The following ROBO1 variants were observed in gnomAD, a reference collection of about 807,000 sequenced individuals.
The protein encoded by ROBO1 is roundabout guidance receptor 1.
Under a neutral mutation model 195.9 loss-of-function variants are expected in ROBO1, and 149 were observed. That is an observed-to-expected ratio of 0.76 (90% CI 0.67 to 0.87). The LOEUF (loss-of-function observed/expected upper bound fraction) is 0.87. ROBO1 is among the 40% of genes least tolerant of loss of function. The pLI is 0.00. For synonymous variants in ROBO1, 816 were observed against 733.2 expected, an observed-to-expected ratio of 1.11 and a Z score of -1.82; for missense variants, 1,933 against 2,068.3, an observed-to-expected ratio of 0.93 and a Z score of 1.27.
rs188185046 is a variant in ROBO1, at chr3:79,105,761, A to G, written c.172+19695T>C. Among the ~76,000 whole-genome samples the G allele has an allele frequency of 9.6e-4, 146 of 151,938 alleles. 1 individual carries two copies. Among genetic ancestry groups the G allele is most frequent in the Non-Finnish European group, 1.9e-3 (127 of 67,814 alleles). ...GTCATCATGTGTATGTAATGAAAAG[A>G]GTATACCACAAAGCTACATGCTATC... is the stretch of plus-strand genomic sequence containing the variant. On this transcript the variant is annotated intron_variant, in intron 3 of 30. Transcript: ENST00000464233.
intron 3 of ROBO1, among the ~76,000 whole-genome samples, chr3:78,996,327 C>CA (rs1425161509): frequency 0.015 from 166 of 11,196 alleles, 1 homozygote; most frequent in African/African-American, 0.026. Context: ...ATTAAAAAAA[C>CA]AAAAAAAAAA....
intron 26 of ROBO1, among the ~76,000 whole-genome samples, chr3:78,619,302 CT>C (rs1704312706): frequency 6.6e-6 from 1 of 151,822 alleles, no homozygotes; most frequent in African/African-American, 2.4e-5. Flanking sequence ...ATCTGGTGAC[CT>C]CCACAGCTTG....
chr3:79,388,339 A>G (rs568650911), intron 2 of ROBO1, among the ~76,000 whole-genome samples: 74 of 152,236 alleles, frequency 4.9e-4, no homozygotes, highest in Non-Finnish European at 7.8e-4. Flanking sequence ...CCTCATAGAT[A>G]GAGCCAGGAA....
intron 2 of ROBO1, among the ~76,000 whole-genome samples, chr3:79,393,068 T>C (rs1485140672): frequency 7.2e-5 from 11 of 152,230 alleles, no homozygotes; most frequent in Non-Finnish European, 1.5e-5. Flanking sequence ...ATTCAAGACC[T>C]TTCCTCTCTA....
At chr3:79,524,214 C>G (rs1323574849) in intron 2 of ROBO1, among the ~76,000 whole-genome samples, 1 of 150,596 alleles carries the variant, frequency 6.6e-6, no homozygotes, top group East Asian at 1.9e-4. Context: ...AGAGAACCCA[C>G]TATTTAGAAA....
intron 4 of ROBO1, among the ~76,000 whole-genome samples, chr3:78,808,870 G>T (rs1049916176): frequency 6.6e-6 from 1 of 152,158 alleles, no homozygotes; most frequent in Non-Finnish European, 1.5e-5. Context: ...AGACTTAAAA[G>T]TAAGAGCTAA....
chr3:78,868,182 A>G (rs914858522), intron 4 of ROBO1, among the ~76,000 whole-genome samples: 5 of 152,174 alleles, frequency 3.3e-5, no homozygotes, highest in South Asian at 2.1e-4. Flanking sequence ...GAGCACATGG[A>G]GCTGCCAAGA....
At chr3:79,224,965 G>A (rs1220681086) in intron 2 of ROBO1, among the ~76,000 whole-genome samples, 1 of 152,150 alleles carries the variant, frequency 6.6e-6, no homozygotes, top group Non-Finnish European at 1.5e-5. Context: ...GGACGGCAAG[G>A]GCTTGAGTGG....
intron 2 of ROBO1, among the ~76,000 whole-genome samples, chr3:79,573,272 G>A (rs1399627409): frequency 6.6e-6 from 1 of 152,078 alleles, no homozygotes; most frequent in Admixed American, 6.6e-5. Context: ...GGCTGGTCTG[G>A]AACTCCTGGG....
intron 4 of ROBO1, among the ~76,000 whole-genome samples, chr3:78,908,565 T>C (rs890809098): frequency 6.6e-6 from 1 of 151,988 alleles, no homozygotes; most frequent in African/African-American, 2.4e-5. Flanking sequence ...TTCTTTTTCC[T>C]TTACCACTTT....
intron 21 of ROBO1, among the ~76,000 whole-genome samples, chr3:78,644,959 G>A (rs1401171817): frequency 6.6e-6 from 1 of 152,148 alleles, no homozygotes; most frequent in East Asian, 1.9e-4. Flanking sequence ...ACGAGAAAAT[G>A]TTCTTATGCC....
At chr3:79,571,226 A>G (rs1028975487) in intron 2 of ROBO1, among the ~76,000 whole-genome samples, 2 of 152,108 alleles carry the variant, frequency 1.3e-5, no homozygotes, top group Non-Finnish European at 2.9e-5. Flanking sequence ...CAAAGGCCAA[A>G]AGTAATTCCA....
chr3:79,480,275 T>C (rs1241593291), intron 2 of ROBO1, among the ~76,000 whole-genome samples: 1 of 152,188 alleles, frequency 6.6e-6, no homozygotes, highest in Admixed American at 6.5e-5. Flanking sequence ...TATACACATT[T>C]TGATTCTTTG....
rs961885120 is a variant in ROBO1 at position 79,659,617 on chromosome 3, A to T, written c.-50-69656T>A. ...ACAATGGACCCAGAGTTCAGAAAAA[A>T]AAAACACAATATTTTTTGGTTTTAT... is the stretch of plus-strand genomic sequence containing the variant. On this transcript the variant is annotated intron_variant, in intron 1 of 30. Transcript: ENST00000464233. Among the ~76,000 whole-genome samples, 46 of 102,558 alleles carry T rather than the reference A, an allele frequency of 4.5e-4. 1 individual carries two copies. Among genetic ancestry groups the T allele is most frequent in the Non-Finnish European group, 1.0e-4 (5 of 49,950 alleles). 67.3% of individuals were successfully genotyped at this position (102,558 alleles called of 152,430 possible). A position where few individuals can be genotyped will look rare whatever the true frequency, so the allele number is the denominator to read the frequency against.
intron 9 of ROBO1, among the ~76,000 whole-genome samples, chr3:78,686,642 A>T (rs369249961): frequency 1.4e-4 from 21 of 152,152 alleles, no homozygotes; most frequent in African/African-American, 4.6e-4. Flanking sequence ...CTTCACCTGT[A>T]TGTGACTACT....
chr3:78,903,482 T>TA (rs11293356), intron 4 of ROBO1, among the ~76,000 whole-genome samples: 37 of 144,980 alleles, frequency 2.6e-4, no homozygotes, highest in South Asian at 6.6e-4. Flanking sequence ...CCACTTTTAA[T>TA]AAAAAAAAAA....
At chr3:78,957,967 T>C (rs1275558929) in intron 3 of ROBO1, among the ~76,000 whole-genome samples, 1 of 152,178 alleles carries the variant, frequency 6.6e-6, no homozygotes, top group African/African-American at 2.4e-5. Context: ...TATCTCAATA[T>C]AATGGGTTTT....
intron 2 of ROBO1, among the ~76,000 whole-genome samples, chr3:79,308,194 TG>T (rs1351168204): frequency 9.8e-5 from 15 of 152,328 alleles, no homozygotes; most frequent in African/African-American, 3.6e-4. Context: ...ACTCATTAAC[TG>T]GTAAAGTAGA....
chr3:78,854,681 T>C (rs2034301469), intron 4 of ROBO1, among the ~76,000 whole-genome samples: 1 of 152,084 alleles, frequency 6.6e-6, no homozygotes, highest in Admixed American at 6.6e-5. Context: ...ACTTAGAAAT[T>C]CATAGTACAA....
Sources: allele counts gnomAD v4.1 joint callset (sites outside exome capture counted in the v4.1 genomes callset), GRCh38; gene constraint gnomAD v4.1.1; transcripts MANE v1.5; gene names NCBI Gene and HGNC (gene_info 2026-07-23, HGNC 2026-07-21).